Variants in SERTAD2 observed in about 807,000 individuals in gnomAD.
SERTAD2 encodes SERTA domain-containing protein 2.
Under a neutral mutation model 15.4 loss-of-function variants are expected in SERTAD2, and 2 were observed. The ratio of observed to expected loss-of-function variants is 0.13; its 90% confidence interval spans 0.05 to 0.41. The LOEUF (loss-of-function observed/expected upper bound fraction) is 0.41, where lower values mean the gene tolerates loss of function less well. Among genes scored for constraint, SERTAD2 ranks in the 10% least tolerant of loss-of-function variants. The pLI is 0.99. For missense variants in SERTAD2, 333 were observed against 409.7 expected (o/e 0.81, Z 1.62); for synonymous variants, 180 against 178.0 (o/e 1.01, Z -0.09).
intron 1 of SERTAD2, among the ~76,000 whole-genome samples, chr2:64,641,351 T>A (rs1674773421): frequency 6.6e-6 from 1 of 152,142 alleles, no homozygotes; most frequent in South Asian, 2.1e-4. Flanking sequence ...CAGTAAGCAA[T>A]CTGAGAGATT....
intron 1 of SERTAD2, among the ~76,000 whole-genome samples, chr2:64,651,095 C>T (rs887146231): frequency 6.6e-5 from 10 of 152,214 alleles, no homozygotes; most frequent in African/African-American, 1.9e-4. Context: ...GCCCCAAATA[C>T]GCCTATCTAT....
At position 64,635,342 on chromosome 2, in the gene SERTAD2, A is replaced by G. The variant is rs1674634064; in HGVS notation, c.*585T>C. ...ATAAACAGCATTTGTTTTTAGAAAAACAATATCATAAACTGCAGAATCTGT... is the reference window on the plus strand; with the variant it reads ...ATAAACAGCATTTGTTTTTAGAAAAGCAATATCATAAACTGCAGAATCTGT... On this transcript the variant is annotated 3_prime_UTR_variant, in exon 2 of 2. Transcript: ENST00000313349. 6.5e-6 allele frequency: 1 copy of G among 152,716 alleles called. No individual in the cohort carries two copies. 9.5% of individuals were successfully genotyped at this position (152,716 alleles called of 1,614,324 possible).
chr2:64,632,825 G>A lies in SERTAD2; in HGVS notation c.*3102C>T, dbSNP rs1008165209. ...CACATGTTACGATCCAGATGTTAGC[G>A]CTCCACAGTAAAATAAATATATTTA... On this transcript the variant is annotated 3_prime_UTR_variant, in exon 2 of 2. Coordinates refer to ENST00000313349, the MANE Select transcript of SERTAD2 (RefSeq NM_014755.3). The A allele has an allele frequency of 8.5e-5, 13 of 152,436 alleles. No homozygotes were observed. Among genetic ancestry groups the A allele is most frequent in the African/African-American group, 2.9e-4 (12 of 41,338 alleles). The allele number at this position is 152,436 out of a possible 1,614,324, so 9.4% of individuals were successfully genotyped here.
Position 64,635,629 on chromosome 2 carries a change from C to T in SERTAD2, c.*298G>A, listed in dbSNP as rs1270727818. On this transcript the variant is annotated 3_prime_UTR_variant, in exon 2 of 2. Coordinates refer to ENST00000313349, the MANE Select transcript of SERTAD2 (RefSeq NM_014755.3). ...CAGCTTTTCCAACTTAATCCTTGTG[C>T]TTCACTTGAACTGTTTATTTTTGTC... 1.8e-5 allele frequency: 5 copies of T among 271,574 alleles called. No individual in the cohort carries two copies. Among genetic ancestry groups the T allele is most frequent in the African/African-American group, 1.1e-4 (5 of 46,278 alleles). 16.8% of individuals were successfully genotyped at this position (271,574 alleles called of 1,614,324 possible).
At chr2:64,647,410 T>TC (rs1165779462) in intron 1 of SERTAD2, among the ~76,000 whole-genome samples, 3 of 152,178 alleles carry the variant, frequency 2.0e-5, no homozygotes, top group Non-Finnish European at 4.4e-5. Flanking sequence ...TGACAATTTT[T>TC]CCCATAAGAT....
At chr2:64,647,790 G>A (rs943705392) in intron 1 of SERTAD2, among the ~76,000 whole-genome samples, 1 of 152,120 alleles carries the variant, frequency 6.6e-6, no homozygotes, top group African/African-American at 2.4e-5. Flanking sequence ...ACCAAAGGTG[G>A]CCTTCTAGGT....
chr2:64,637,634 G>C (rs918893370), intron 1 of SERTAD2, among the ~76,000 whole-genome samples: 11 of 152,276 alleles, frequency 7.2e-5, no homozygotes, highest in African/African-American at 1.7e-4. Context: ...GAAGTAATTA[G>C]CTCTGATTAT....
At position 64,633,040 on chromosome 2, in the gene SERTAD2, G is replaced by A. The variant is rs1316067726; in HGVS notation, c.*2887C>T. 2 of 152,706 alleles carry A rather than the reference G, an allele frequency of 1.3e-5. No individual in the cohort carries two copies. The highest frequency in any genetic ancestry group is 2.9e-5 in the Non-Finnish European group (2 of 68,046). 9.5% of individuals were successfully genotyped at this position (152,706 alleles called of 1,614,324 possible). A position where few individuals can be genotyped will look rare whatever the true frequency, so the allele number is the denominator to read the frequency against. On this transcript the variant is annotated 3_prime_UTR_variant, in exon 2 of 2. Coordinates refer to ENST00000313349, the MANE Select transcript of SERTAD2 (RefSeq NM_014755.3). ...TGCCTGGCCCTGGATGCCATGTGAT[G>A]TCTTTCATAAAGGGAAGGCACTGCT...
At chr2:64,639,137 A>G (rs1358812936) in intron 1 of SERTAD2, among the ~76,000 whole-genome samples, 2 of 152,266 alleles carry the variant, frequency 1.3e-5, no homozygotes, top group Non-Finnish European at 2.9e-5. Flanking sequence ...TAATGTGATC[A>G]TGGCAACATA....
chr2:64,652,893 G>A (rs1347643309), intron 1 of SERTAD2, among the ~76,000 whole-genome samples: 35 of 152,188 alleles, frequency 2.3e-4, no homozygotes, highest in Admixed American at 2.3e-3. Flanking sequence ...TTCTGTCCAT[G>A]TAGTGGCCCT....
chr2:64,648,330 G>A (rs1304980829), intron 1 of SERTAD2, among the ~76,000 whole-genome samples: 1 of 152,126 alleles, frequency 6.6e-6, no homozygotes, highest in Non-Finnish European at 1.5e-5. Context: ...TCATATACCT[G>A]AATAATTCAC....
intron 1 of SERTAD2, among the ~76,000 whole-genome samples, chr2:64,653,415 G>A (rs1424344002): frequency 1.3e-5 from 2 of 151,450 alleles, no homozygotes; most frequent in African/African-American, 4.9e-5. Flanking sequence ...GGGGGTCCGA[G>A]AGCGCGGGGC....
intron 1 of SERTAD2, among the ~76,000 whole-genome samples, chr2:64,643,688 G>A (rs903104238): frequency 6.6e-6 from 1 of 152,164 alleles, no homozygotes; most frequent in Non-Finnish European, 1.5e-5. Context: ...CTAACACGGT[G>A]AAACCCCATC....
At chr2:64,642,787 G>T (rs1467142614) in intron 1 of SERTAD2, among the ~76,000 whole-genome samples, 1 of 152,158 alleles carries the variant, frequency 6.6e-6, no homozygotes. Context: ...GACCACCAAG[G>T]CTGGCTTGCT....
At chr2:64,651,320 A>T (rs547990996) in intron 1 of SERTAD2, among the ~76,000 whole-genome samples, 2 of 152,330 alleles carry the variant, frequency 1.3e-5, no homozygotes, top group African/African-American at 2.4e-5. Context: ...GTATAATTGG[A>T]CACTGATAAT....
intron 1 of SERTAD2, among the ~76,000 whole-genome samples, chr2:64,642,439 A>C (rs1490488740): frequency 6.6e-6 from 1 of 152,212 alleles, no homozygotes; most frequent in Non-Finnish European, 1.5e-5. Context: ...TTTTTTGAAG[A>C]TGAATCAGAA....
intron 1 of SERTAD2, among the ~76,000 whole-genome samples, chr2:64,643,011 TAA>T (rs1368602698): frequency 1.3e-5 from 2 of 152,138 alleles, no homozygotes; most frequent in African/African-American, 4.8e-5. Context: ...TCTAAATTCT[TAA>T]GAGAGGAAAT....
chr2:64,636,245 G>A lies in SERTAD2; in HGVS notation c.627C>T (p.Asp209=), dbSNP rs758585717. ...CATCTGCGCGGCTCTCTTGAGGACCGTCGAGTTTCTGGGTGCCAGCCTCGC... is the reference window on the plus strand; with the variant it reads ...CATCTGCGCGGCTCTCTTGAGGACCATCGAGTTTCTGGGTGCCAGCCTCGC... The part of the protein sequence containing the change: ...TSSEAGTQKL[D]GPQESRADDS... Residue 209 remains aspartate (D), a synonymous_variant, in exon 2 of 2, where the codon GAC becomes GAT. Transcript: ENST00000313349. 9 of 1,614,022 alleles carry A rather than the reference G, an allele frequency of 5.6e-6. No individual in the cohort carries two copies. In the Middle Eastern group the frequency reaches 4.9e-4, roughly 88 times the overall value.
rs1674613652 is a variant in SERTAD2 at position 64,634,575 on chromosome 2, C to G, written c.*1352G>C. ...TGCATCCCGGGCCGGCCGAGGCGAG[C>G]CAAGCTCACTGTGGTGATCACGAAG... On this transcript the variant is annotated 3_prime_UTR_variant, in exon 2 of 2. Transcript: ENST00000313349. The G allele has an allele frequency of 6.6e-6, 1 of 152,154 alleles. No homozygotes were observed. 9.4% of individuals were successfully genotyped at this position (152,154 alleles called of 1,614,324 possible). A position where few individuals can be genotyped will look rare whatever the true frequency, so the allele number is the denominator to read the frequency against.
Sources: gnomAD v4.1 joint callset for allele counts (sites outside exome capture counted in the v4.1 genomes callset) on GRCh38, gnomAD v4.1.1 for gene constraint, MANE v1.5 for transcripts, NCBI Gene and HGNC (gene_info 2026-07-23, HGNC 2026-07-21) for gene names.